Variants in PECAM1 observed in about 807,000 individuals in gnomAD.
PECAM1 encodes platelet endothelial cell adhesion molecule.
Under a neutral mutation model 13.8 loss-of-function variants are expected in PECAM1, and 8 were observed. The observed-to-expected ratio is 0.58, with a 90% CI of 0.34 to 1.05. The LOEUF is 1.05. Among genes scored for constraint, PECAM1 ranks in the 50% least tolerant of loss-of-function variants. The pLI is 0.03. For missense variants in PECAM1, 304 were observed against 141.2 expected, an observed-to-expected ratio of 2.15 and a Z score of -5.84; for synonymous variants, 136 against 52.6, an observed-to-expected ratio of 2.58 and a Z score of -6.86.
At chr17:64,363,898 T>A (rs2036043317) in intron 5 of PECAM1, among the ~76,000 whole-genome samples, 1 of 151,978 alleles carries the variant, frequency 6.6e-6, no homozygotes, top group South Asian at 2.1e-4. Flanking sequence ...GAGCCGAGAT[T>A]GCTCCACTGC....
intron 14 of PECAM1, among the ~76,000 whole-genome samples, chr17:64,336,891 GGAAGGA>G (rs1568008413): frequency 7.0e-6 from 1 of 142,688 alleles, no homozygotes; most frequent in African/African-American, 2.6e-5. Context: ...AAAGAAGGAA[GGAAGGA>G]GAGAGAGAGA....
chr17:64,360,422 C>G lies in PECAM1; in HGVS notation c.1217-7G>C. 1 of 475,012 alleles carries G rather than the reference C, an allele frequency of 2.1e-6. No individual in the cohort carries two copies. Among genetic ancestry groups the G allele is most frequent in the East Asian group, 3.1e-5 (1 of 32,032 alleles). 29.4% of individuals were successfully genotyped at this position (475,012 alleles called of 1,614,324 possible). ...CTGGGCTGGGAGAGCATTTCTAGAA[C>G]AGAGGGAGAAACAATCCAAAAGGCA... On this transcript the variant is annotated splice_region_variant and splice_polypyrimidine_tract_variant and intron_variant, in intron 6 of 15. Coordinates refer to ENST00000563924, the MANE Select transcript of PECAM1 (RefSeq NM_000442.5).
Position 64,356,309 on chromosome 17 carries a change from C to T in PECAM1, c.1582G>A (p.Gly528Arg), listed in dbSNP as rs987704584. 21 of 474,450 alleles carry T rather than the reference C, an allele frequency of 4.4e-5. No individual in the cohort carries two copies. Among genetic ancestry groups the T allele is most frequent in the Non-Finnish European group, 6.6e-5 (17 of 258,834 alleles). The allele number at this position is 474,450 out of a possible 1,614,324, so 29.4% of individuals were successfully genotyped here. The change falls in exon 8 of 16, where the codon GGA becomes AGA. Residue 528 changes from glycine to arginine, a missense_variant. Transcript: ENST00000563924. ...DIVLQCAVNE[G>R]SGPITYKFYR... The stretch of plus-strand genomic sequence containing the variant: ...AACTTATAGGTGATGGGACCAGATC[C>T]TTCATTCACAGCACATTGCAGCACA...
At chr17:64,349,800 G>A (rs1430261589) in intron 12 of PECAM1, among the ~76,000 whole-genome samples, 5 of 151,950 alleles carry the variant, frequency 3.3e-5, no homozygotes, top group African/African-American at 9.7e-5. Context: ...CAGGAGAATT[G>A]CTTGAACCCG....
chr17:64,362,675 T>A (rs2143819378), intron 6 of PECAM1, among the ~76,000 whole-genome samples: 1 of 149,656 alleles, frequency 6.7e-6, no homozygotes, highest in East Asian at 2.0e-4. Flanking sequence ...AATAAATAAA[T>A]AAAAGTAATA....
chr17:64,325,085 A>G (rs1226572585), intron 15 of PECAM1, among the ~76,000 whole-genome samples: 2 of 152,256 alleles, frequency 1.3e-5, no homozygotes, highest in Admixed American at 6.5e-5. Flanking sequence ...TTAAGTATAC[A>G]CTGGAAAATG....
intron 15 of PECAM1, among the ~76,000 whole-genome samples, chr17:64,325,429 A>G (rs1249060848): frequency 1.3e-5 from 2 of 151,486 alleles, no homozygotes; most frequent in Admixed American, 1.3e-4. Context: ...TGTATATTTT[A>G]TGACAATTAA....
At chr17:64,329,325 G>C (rs935726496) in intron 15 of PECAM1, among the ~76,000 whole-genome samples, 1 of 152,000 alleles carries the variant, frequency 6.6e-6, no homozygotes, top group African/African-American at 2.4e-5. Context: ...GTGTGTAGGG[G>C]GTAATTAGAA....
rs1467534786 is a variant in PECAM1 at position 64,322,028 on chromosome 17, C to T, written c.*1788G>A. ...TGTATGACATTTTCGTGATACAACT[C>T]GGTGTGTGTGTGTTGGGGAAAGGAA... On this transcript the variant is annotated 3_prime_UTR_variant, in exon 16 of 16. Coordinates refer to ENST00000563924, the MANE Select transcript of PECAM1 (RefSeq NM_000442.5). The T allele has an allele frequency of 8.3e-6, 10 of 1,198,524 alleles. No individual in the cohort carries two copies. Among genetic ancestry groups the T allele is most frequent in the South Asian group, 1.5e-5 (1 of 68,096 alleles). The allele number at this position is 1,198,524 out of a possible 1,614,324, so 74.2% of individuals were successfully genotyped here.
At chr17:64,362,573 AC>A (rs1293744726) in intron 6 of PECAM1, among the ~76,000 whole-genome samples, 45 of 152,032 alleles carry the variant, frequency 3.0e-4, no homozygotes, top group Admixed American at 1.6e-3. Flanking sequence ...AATGGCGTGA[AC>A]CCAGGAGGCG....
At chr17:64,365,418 A>G (rs2036080768) in intron 5 of PECAM1, among the ~76,000 whole-genome samples, 1 of 150,342 alleles carries the variant, frequency 6.7e-6, no homozygotes, top group Admixed American at 6.6e-5. Context: ...TATAGATTCA[A>G]TGCCATCCCC....
intron 2 of PECAM1, among the ~76,000 whole-genome samples, chr17:64,387,879 G>A (rs2143921579): frequency 6.6e-6 from 1 of 152,292 alleles, no homozygotes; most frequent in African/African-American, 2.4e-5. Flanking sequence ...GACCCCAGCC[G>A]CAGAGCGGGA....
intron 4 of PECAM1, among the ~76,000 whole-genome samples, chr17:64,372,556 A>G (rs971955229): frequency 6.6e-6 from 1 of 152,184 alleles, no homozygotes; most frequent in Middle Eastern, 3.4e-3. Context: ...CCCAGGCTGG[A>G]ATGCAGTGAC....
At chr17:64,350,861 C>T (rs912797531) in intron 11 of PECAM1, among the ~76,000 whole-genome samples, 2 of 151,824 alleles carry the variant, frequency 1.3e-5, no homozygotes. Context: ...CCATGCCTGG[C>T]CTGAATATAG....
intron 2 of PECAM1, among the ~76,000 whole-genome samples, chr17:64,387,817 G>C (rs1251553700): frequency 6.6e-6 from 1 of 152,170 alleles, no homozygotes; most frequent in Admixed American, 6.5e-5. Context: ...GGGCTGGAGG[G>C]GAACAAAGAG....
intron 4 of PECAM1, among the ~76,000 whole-genome samples, chr17:64,374,121 C>T (rs2036303479): frequency 6.6e-6 from 1 of 152,170 alleles, no homozygotes; most frequent in South Asian, 2.1e-4. Context: ...GTCTGACCCT[C>T]GATGGCTTAA....
At chr17:64,360,043 C>A in intron 7 of PECAM1, 97 bp downstream of exon 7, 1 of 474,556 alleles carries the variant, frequency 2.1e-6, no homozygotes, top group Non-Finnish European at 3.9e-6. Context: ...TGAGCCACCG[C>A]ACCTGGCCCC....
At chr17:64,377,201 C>G (rs1168797546) in intron 3 of PECAM1, among the ~76,000 whole-genome samples, 1 of 152,150 alleles carries the variant, frequency 6.6e-6, no homozygotes, top group Non-Finnish European at 1.5e-5. Context: ...TCTTAACACA[C>G]CGCTGTGGCC....
At position 64,321,351 on chromosome 17, in the gene PECAM1, G is replaced by T; in HGVS notation, c.*2465C>A. ...CAGCTGCCGAGGAAGGCTAAAGCCA[G>T]CGTCCTGGATTCAGACAGACCTTTT... is the stretch of plus-strand genomic sequence containing the variant. On this transcript the variant is annotated 3_prime_UTR_variant, in exon 16 of 16. Transcript: ENST00000563924. The T allele has an allele frequency of 2.3e-6, 2 of 853,362 alleles. No individual in the cohort carries two copies. Among genetic ancestry groups the T allele is most frequent in the Non-Finnish European group, 2.8e-6 (2 of 709,126 alleles). The allele number at this position is 853,362 out of a possible 1,614,324, so 52.9% of individuals were successfully genotyped here.
Sources: allele counts gnomAD v4.1 joint callset (sites outside exome capture counted in the v4.1 genomes callset), GRCh38; gene constraint gnomAD v4.1.1; transcripts MANE v1.5; gene names NCBI Gene and HGNC (gene_info 2026-07-23, HGNC 2026-07-21).